The following ZFP90 variants were observed in gnomAD, a reference collection of about 807,000 sequenced individuals.
ZFP90 encodes ZFP90 zinc finger protein.
A neutral mutation model predicts 60.8 loss-of-function variants in ZFP90; 38 were observed. That is an observed-to-expected ratio of 0.62 (90% CI 0.48 to 0.82). The LOEUF is 0.82. ZFP90 is among the 40% of genes least tolerant of loss of function. The probability of loss-of-function intolerance (pLI) is 0.00; values close to 1 mark genes in which losing one functional copy is unlikely to be tolerated. For synonymous variants in ZFP90, 287 were observed against 264.8 expected, an observed-to-expected ratio of 1.08 and a Z score of -0.82; for missense variants, 711 against 759.1, an observed-to-expected ratio of 0.94 and a Z score of 0.74.
intron 2 of ZFP90, among the ~76,000 whole-genome samples, chr16:68,574,926 C>CAAAAAAAAA (rs10658760): frequency 1.4e-4 from 15 of 103,524 alleles, no homozygotes; most frequent in Admixed American, 3.3e-4. Flanking sequence ...GACCCTGTCT[C>CAAAAAAAAA]AAAAAAAAAA....
chr16:68,562,138 A>G (rs1308206624), intron 4 of ZFP90: 1 of 152,182 alleles, frequency 6.6e-6, no homozygotes, highest in Non-Finnish European at 1.5e-5. Flanking sequence ...GTTAACTAGA[A>G]TTCAATTTTT....
At chr16:68,534,017 T>A (rs1050442241) in intron 2 of ZFP90, among the ~76,000 whole-genome samples, 3 of 152,138 alleles carry the variant, frequency 2.0e-5, no homozygotes, top group Non-Finnish European at 4.4e-5. Flanking sequence ...TTTCAGCCTT[T>A]ATCTTCTCAA....
intron 2 of ZFP90, among the ~76,000 whole-genome samples, chr16:68,546,099 C>T (rs560333556): frequency 1.1e-4 from 16 of 152,234 alleles, no homozygotes; most frequent in African/African-American, 3.1e-4. Context: ...TGCTTGAGCC[C>T]GGGAGGTGGA....
At chr16:68,573,495 C>A (rs1170435) in intron 2 of ZFP90, among the ~76,000 whole-genome samples, 77,857 of 151,752 alleles carry the variant, frequency 0.51, 21,967 homozygotes, top group East Asian at 0.76. Context: ...AAACAAAACT[C>A]TATATATATA....
At position 68,539,746 on chromosome 16, in the gene ZFP90, CT is replaced by C. The variant is rs772346617; in HGVS notation, c.-35-9del. 3.2e-6 allele frequency: 5 copies of C among 1,545,406 alleles called. No homozygotes were observed. The highest frequency in any genetic ancestry group is 3.5e-6 in the Non-Finnish European group (4 of 1,144,882). ...TGCAGCGGGGTGAGTGGGCCCTGTC[CT>C]TTCTCCCCAGCTCCTGCCCCGGAGC... On this transcript the variant is annotated splice_polypyrimidine_tract_variant and intron_variant, in intron 1 of 4. Transcript: ENST00000563169.
rs189215410 is a variant in ZFP90, at chr16:68,553,458, C to T, written c.34-4540C>T. On this transcript the variant is annotated intron_variant, in intron 2 of 4. Transcript: ENST00000563169. ...AGGGTGGGGTGGGTGCAGGCGAGAG[C>T]TGCAGGCAGGGGAGGAGGCTTGAGG... 2.0e-5 allele frequency among the ~76,000 whole-genome samples: 3 copies of T among 152,128 alleles called. No homozygotes were observed. The East Asian group carries it at 5.8e-4, about 29-fold the overall frequency.
Position 68,564,307 on chromosome 16 carries a change from A to T in ZFP90, c.1520A>T (p.Lys507Ile). 6.2e-7 allele frequency: 1 copy of T among 1,614,106 alleles called. No homozygotes were observed. Among genetic ancestry groups the T allele is most frequent in the Non-Finnish European group, 8.5e-7 (1 of 1,180,002 alleles). ...TGTAATGTATGTGGGAAAGCTTTCA[A>T]AAGGAGTACAAGTTTCATAGAGCAT... is the stretch of plus-strand genomic sequence containing the variant. ...YQCNVCGKAF[K>I]RSTSFIEHHR... is the part of the protein sequence containing the mutation. The change falls in exon 5 of 5, where the codon AAA becomes ATA. Residue 507 changes from lysine to isoleucine, a missense_variant. Lys to Ile is a moderately radical substitution (Grantham distance 102). Coordinates refer to ENST00000563169, the MANE Select transcript of ZFP90 (RefSeq NM_001305203.2).
chr16:68,547,161 G>T (rs941676069), intron 2 of ZFP90, among the ~76,000 whole-genome samples: 5 of 152,144 alleles, frequency 3.3e-5, no homozygotes, highest in Non-Finnish European at 7.4e-5. Flanking sequence ...GGGTCATACG[G>T]TAATTTTTTT....
downstream of ZFP90, among the ~76,000 whole-genome samples, chr16:68,569,591 A>G (rs1199777267): frequency 6.6e-6 from 1 of 152,104 alleles, no homozygotes; most frequent in Non-Finnish European, 1.5e-5. Flanking sequence ...TTTCCTAGTT[A>G]ACTGAGAACA....
chr16:68,542,305 T>C (rs1364873405), intron 2 of ZFP90, among the ~76,000 whole-genome samples: 1 of 151,764 alleles, frequency 6.6e-6, no homozygotes, highest in Non-Finnish European at 1.5e-5. Flanking sequence ...AGGAGCAGAG[T>C]CTAAGCAGGT....
chr16:68,575,809 C>T (rs1006716107), exon 3 of ZFP90: 13 of 398,106 alleles, frequency 3.3e-5, no homozygotes, highest in Admixed American at 2.2e-4. Context: ...TGCCTCCTGC[C>T]GCTGTCGCTA....
In ZFP90 at chr16:68,566,681, T is replaced by G; in HGVS notation, c.*1983T>G. 1 of 985,564 alleles carries G rather than the reference T, an allele frequency of 1.0e-6. No individual in the cohort carries two copies. The highest frequency in any genetic ancestry group is 4.7e-5 in the South Asian group (1 of 21,284). 61.1% of individuals were successfully genotyped at this position (985,564 alleles called of 1,614,324 possible). ...TCACACACAATGCCAAGGCTGTGCT[T>G]CTATTATCTGATACATAGTTTGACA... On this transcript the variant is annotated 3_prime_UTR_variant, in exon 5 of 5. Coordinates refer to ENST00000563169, the MANE Select transcript of ZFP90 (RefSeq NM_001305203.2).
At chr16:68,560,071 C>G (rs1402211869) in intron 4 of ZFP90, among the ~76,000 whole-genome samples, 1 of 152,124 alleles carries the variant, frequency 6.6e-6, no homozygotes, top group Non-Finnish European at 1.5e-5. Context: ...TGGAATAGCT[C>G]ACTCTGTTTT....
intron 2 of ZFP90, among the ~76,000 whole-genome samples, chr16:68,554,585 T>G (rs1103955): frequency 0.77 from 116,915 of 152,124 alleles, 45,013 homozygotes; most frequent in East Asian, 0.82. Flanking sequence ...TATGAGTGGC[T>G]TGGAGCAGAC....
At chr16:68,571,726 G>C (rs1212613462), downstream of ZFP90, among the ~76,000 whole-genome samples, 1 of 152,112 alleles carries the variant, frequency 6.6e-6, no homozygotes, top group Non-Finnish European at 1.5e-5. Flanking sequence ...GCCAGGAGTC[G>C]AGACCAGCCT....
chr16:68,575,681 G>A, intron 2 of ZFP90: 2 of 394,732 alleles, frequency 5.1e-6, no homozygotes. Context: ...CAGATGGGAA[G>A]ACAGGTTCTC....
intron 2 of ZFP90, among the ~76,000 whole-genome samples, chr16:68,548,000 A>G (rs1163715289): frequency 6.6e-6 from 1 of 151,692 alleles, no homozygotes; most frequent in Non-Finnish European, 1.5e-5. Context: ...GCTAGTTTTG[A>G]TTTTTTAGTA....
chr16:68,537,794 TG>T (rs1461917443), upstream of ZFP90, among the ~76,000 whole-genome samples: 1 of 152,138 alleles, frequency 6.6e-6, no homozygotes, highest in African/African-American at 2.4e-5. Context: ...TTTTAATTCC[TG>T]GGCTCCTCCC....
At chr16:68,567,523 G>T (rs1485256819), downstream of ZFP90, among the ~76,000 whole-genome samples, 1 of 152,180 alleles carries the variant, frequency 6.6e-6, no homozygotes. Flanking sequence ...GCTGGAAGGA[G>T]CCCTACTTTG....
Sources: gnomAD v4.1 joint callset for allele counts (sites outside exome capture counted in the v4.1 genomes callset) on GRCh38, gnomAD v4.1.1 for gene constraint, MANE v1.5 for transcripts, NCBI Gene and HGNC (gene_info 2026-07-23, HGNC 2026-07-21) for gene names.